Variants in P2RX5 observed in about 807,000 individuals in gnomAD.
P2RX5 encodes purinergic receptor P2X 5, also known as P2X purinoceptor 5.
P2RX5 carries 46 observed loss-of-function variants against 54.1 expected under a neutral mutation model. That is an observed-to-expected ratio of 0.85 (90% CI 0.67 to 1.09). The LOEUF (loss-of-function observed/expected upper bound fraction) is 1.09. Ranked by LOEUF, P2RX5 falls within the 50% of genes least tolerant of loss-of-function variation. The pLI is 0.00. For synonymous variants in P2RX5, 226 were observed against 226.4 expected, an observed-to-expected ratio of 1.00 and a Z score of 0.02; for missense variants, 566 against 549.8, an observed-to-expected ratio of 1.03 and a Z score of -0.29.
chr17:3,684,330 G>A (rs1273475415), intron 9 of P2RX5, among the ~76,000 whole-genome samples: 6 of 152,280 alleles, frequency 3.9e-5, no homozygotes, highest in African/African-American at 7.2e-5. Flanking sequence ...TGGGCTGGGC[G>A]CGGTGGCTCA....
chr17:3,680,524 C>A (rs78027313), intron 10 of P2RX5, among the ~76,000 whole-genome samples: 3 of 118,044 alleles, frequency 2.5e-5, no homozygotes, highest in African/African-American at 3.6e-5. Flanking sequence ...CTCCACCCTG[C>A]GTCCTCCACC....
At chr17:3,717,026 T>C in the P2RX5 span, 916 of 444,944 alleles carry the variant, frequency 2.1e-3, 3 homozygotes, top group Non-Finnish European at 2.7e-3. Flanking sequence ...TGGCCCCTTA[T>C]CTAGAAGGGC....
At chr17:3,677,344 C>T in intron 11 of P2RX5, 1 of 959,278 alleles carries the variant, frequency 1.0e-6, no homozygotes, top group Non-Finnish European at 1.2e-6. Context: ...CCCGGGCGTC[C>T]CGAGGCTGGT....
At chr17:3,701,900 C>T in the P2RX5 span, among the ~76,000 whole-genome samples, 1 of 151,832 alleles carries the variant, frequency 6.6e-6, no homozygotes, top group Non-Finnish European at 1.5e-5. Context: ...GGACTACAGG[C>T]ACACACCACC....
At chr17:3,709,922 A>G in the P2RX5 span, among the ~76,000 whole-genome samples, 1 of 152,174 alleles carries the variant, frequency 6.6e-6, no homozygotes, top group Admixed American at 6.6e-5. Flanking sequence ...AAACAAACAA[A>G]GAAAAACAAA....
intron 11 of P2RX5, chr17:3,677,267 G>A (rs1273314159): frequency 1.0e-6 from 1 of 985,212 alleles, no homozygotes; most frequent in East Asian, 1.1e-4. Context: ...TCTGAGGAGG[G>A]GTGGGGAGGG....
rs148091132 is a variant in P2RX5, at chr17:3,679,748, C to T, written c.1101G>A (p.Glu367=). ...GCTCAGATAGCCCCAGCCCCGATGC[C>T]TCGTCCTCGGCCTCCTGGGAACTGT... The part of the protein sequence containing the change: ...LEDSSQEAED[E]ASGLGLSEQL... The change falls in exon 11 of 12, where the codon GAG becomes GAA. Residue 367 remains glutamate (E), a synonymous_variant. Coordinates refer to ENST00000225328, the MANE Select transcript of P2RX5 (RefSeq NM_002561.4). 7.2e-5 allele frequency: 116 copies of T among 1,612,096 alleles called. 1 individual carries two copies. In the African/African-American group the frequency reaches 1.5e-3, roughly 20 times the overall value.
chr17:3,680,089 ACGTCCTCCACCCAG>A (rs1227018554), intron 10 of P2RX5, among the ~76,000 whole-genome samples: 2 of 67,088 alleles, frequency 3.0e-5, no homozygotes, highest in Non-Finnish European at 6.0e-5. Flanking sequence ...CCTCCATCCT[ACGTCCTCCACCCAG>A]CGTCCTCCAC....
the P2RX5 span, among the ~76,000 whole-genome samples, chr17:3,703,769 C>T: frequency 1.3e-5 from 2 of 151,916 alleles, no homozygotes; most frequent in Non-Finnish European, 2.9e-5. Flanking sequence ...AAACATTCCC[C>T]ACAAAATTAA....
intron 11 of P2RX5, 38 bp from the exon 12 acceptor site, chr17:3,673,915 G>A (rs767736850): frequency 6.4e-7 from 1 of 1,573,554 alleles, no homozygotes; most frequent in Non-Finnish European, 8.7e-7. Flanking sequence ...TTGAGAGGCT[G>A]GCACTCTCAT....
chr17:3,709,221 G>A, the P2RX5 span, among the ~76,000 whole-genome samples: 4 of 152,118 alleles, frequency 2.6e-5, no homozygotes, highest in East Asian at 5.8e-4. Context: ...CAAAGTGCCC[G>A]GCTCAGAATA....
intron 1 of P2RX5, chr17:3,692,020 G>T (rs2050630827): frequency 1.4e-5 from 8 of 569,376 alleles, no homozygotes; most frequent in South Asian, 1.4e-4. Context: ...AGAGATGGGG[G>T]CCCTGAAGAG....
chr17:3,681,152 G>T (rs2050268885), intron 10 of P2RX5, among the ~76,000 whole-genome samples: 1 of 152,120 alleles, frequency 6.6e-6, no homozygotes, highest in Non-Finnish European at 1.5e-5. Flanking sequence ...CTGTGGCCAG[G>T]GTCAGGGCGC....
At chr17:3,677,061 C>CA (rs2050121008) in intron 11 of P2RX5, 11 of 983,414 alleles carry the variant, frequency 1.1e-5, no homozygotes, top group Non-Finnish European at 1.3e-5. Context: ...GACTCTATTT[C>CA]AAAAAAATAA....
chr17:3,723,693 C>T, the P2RX5 span: 1 of 1,598,526 alleles, frequency 6.3e-7, no homozygotes. Flanking sequence ...CTTACCTGAA[C>T]CGAACTGTAC....
chr17:3,722,685 A>T, the P2RX5 span, among the ~76,000 whole-genome samples: 1 of 152,188 alleles, frequency 6.6e-6, no homozygotes, highest in Non-Finnish European at 1.5e-5. Flanking sequence ...AAAGGCGAGT[A>T]CTAGGAGATG....
chr17:3,704,053 G>C, the P2RX5 span, among the ~76,000 whole-genome samples: 1 of 152,098 alleles, frequency 6.6e-6, no homozygotes, highest in Non-Finnish European at 1.5e-5. Context: ...GGTGAGCTGA[G>C]ATGACGCCAT....
chr17:3,720,834 C>G, the P2RX5 span, among the ~76,000 whole-genome samples: 2 of 151,902 alleles, frequency 1.3e-5, no homozygotes, highest in Admixed American at 6.6e-5. Context: ...CTACCCACCT[C>G]GGCCTCCCAA....
rs367572625 is a variant in P2RX5, at chr17:3,691,718, C to A, written c.214G>T (p.Gly72Cys). 11 of 1,614,104 alleles carry A rather than the reference C, an allele frequency of 6.8e-6. No individual in the cohort carries two copies. In the South Asian group the frequency reaches 1.1e-4, roughly 16 times the overall value. ...LQSAVITKVK[G>C]VAFTNTSDLG... Reference sequence around the variant, plus strand: ...TCCGAGGTGTTGGTGAAGGCCACGCCCTTGACTTTGGTGATGACAGCACTC... The same window carrying A: ...TCCGAGGTGTTGGTGAAGGCCACGCACTTGACTTTGGTGATGACAGCACTC... Residue 72 changes from glycine (G) to cysteine (C), a missense_variant, in exon 2 of 12, where the codon GGC becomes TGC. Transcript: ENST00000225328.
Sources: gnomAD v4.1 joint callset for allele counts (sites outside exome capture counted in the v4.1 genomes callset) on GRCh38, gnomAD v4.1.1 for gene constraint, MANE v1.5 for transcripts, NCBI Gene and HGNC (gene_info 2026-07-23, HGNC 2026-07-21) for gene names.